Variants in PML observed in about 807,000 individuals in gnomAD.
PML encodes PML nuclear body scaffold.
Under a neutral mutation model 65.2 loss-of-function variants are expected in PML, and 28 were observed. That is an observed-to-expected ratio of 0.43 (90% CI 0.32 to 0.59). The LOEUF (loss-of-function observed/expected upper bound fraction) is 0.59. Among genes scored for constraint, PML ranks in the 20% least tolerant of loss-of-function variants. The probability of loss-of-function intolerance (pLI) is 0.08; values close to 1 mark genes in which losing one functional copy is unlikely to be tolerated. For synonymous variants in PML, 500 were observed against 508.8 expected (o/e 0.98, Z 0.23); for missense variants, 1,021 against 1,203.4 (o/e 0.85, Z 2.24).
chr15:74,036,775 G>A (rs1039358824), intron 7 of PML, among the ~76,000 whole-genome samples: 5 of 151,954 alleles, frequency 3.3e-5, no homozygotes, highest in African/African-American at 4.8e-5. Context: ...CCACCTGCCC[G>A]CCACTCCTTA....
chr15:74,035,137 T>C lies in PML; in HGVS notation c.1710+607T>C. 8.7e-7 allele frequency: 1 copy of C among 1,146,222 alleles called. No homozygotes were observed. The highest frequency in any genetic ancestry group is 1.3e-6 in the Non-Finnish European group (1 of 755,456). The allele number at this position is 1,146,222 out of a possible 1,614,324, so 71.0% of individuals were successfully genotyped here. A position where few individuals can be genotyped will look rare whatever the true frequency, so the allele number is the denominator to read the frequency against. ...TGGACTGGGTGGCCCCTGAGGTCTC[T>C]TCCAGCCCTCAGTCTGAGGTTCTGT... On this transcript the variant is annotated intron_variant, in intron 7 of 8. Transcript: ENST00000268058. The surrounding 1 kb of genome is among the most constrained non-coding windows in gnomAD (Gnocchi z 4.1).
rs1211676376 is a variant in PML at position 74,044,351 on chromosome 15, C to CT, written c.1995dup (p.Leu666SerfsTer30). ...AGGTGGGGCTGCAGCACTTCCTCAG[C>CT]TTTCTGAGCTCCATGCGCCGCCCTA... is the stretch of plus-strand genomic sequence containing the variant. On this transcript the variant is annotated frameshift_variant, in exon 9 of 9. Coordinates refer to ENST00000268058, the MANE Select transcript of PML (RefSeq NM_033238.3). LOFTEE classifies it low-confidence loss of function (END_TRUNC). The CT allele has an allele frequency of 6.2e-7, 1 of 1,614,198 alleles. No homozygotes were observed. The highest frequency in any genetic ancestry group is 1.7e-5 in the Admixed American group (1 of 60,034).
chr15:74,009,269 GGCCTATTAATCAAGTTTAAGAGGT>G (rs1397469818), intron 2 of PML, among the ~76,000 whole-genome samples: 1 of 152,224 alleles, frequency 6.6e-6, no homozygotes, highest in African/African-American at 2.4e-5. Flanking sequence ...GGAAACAAAA[GGCCTATTAATCAAGTTTAAGAGGT>G]GTGATTGAAG....
intron 4 of PML, among the ~76,000 whole-genome samples, chr15:74,030,034 G>T (rs2071249043): frequency 6.6e-6 from 1 of 152,158 alleles, no homozygotes; most frequent in Non-Finnish European, 1.5e-5. Context: ...CCCACCGCGG[G>T]GTTCTGGTAC....
At chr15:74,017,311 T>A (rs1378573015) in intron 2 of PML, among the ~76,000 whole-genome samples, 2 of 152,182 alleles carry the variant, frequency 1.3e-5, no homozygotes, top group African/African-American at 4.8e-5. Context: ...CCTAGCCAAT[T>A]TCTCTGATTC....
chr15:74,044,877 G>A lies in PML; in HGVS notation c.2518G>A (p.Ala840Thr). Residue 840 changes from alanine to threonine, a missense_variant, in exon 9 of 9, where the codon GCT (alanine) becomes ACT (threonine). Transcript: ENST00000268058. ...QTTTLPPAQP[A>T]FNLQALGTYF... ...CACCACGTTGCCCCCTGCCCAGCCT[G>A]CTTTCAACCTGCAGGCTCTGGGCAC... is the stretch of plus-strand genomic sequence containing the variant. 6.2e-7 allele frequency: 1 copy of A among 1,613,580 alleles called. No individual in the cohort carries two copies. Among genetic ancestry groups the A allele is most frequent in the Non-Finnish European group, 8.5e-7 (1 of 1,180,024 alleles).
intron 4 of PML, 90 bp from the exon 5 acceptor site, chr15:74,032,482 C>T (rs1023202699): frequency 7.1e-7 from 1 of 1,404,602 alleles, no homozygotes; most frequent in Admixed American, 1.7e-5. Context: ...CTTGGTGAGG[C>T]CCCAGGGATT....
intron 2 of PML, among the ~76,000 whole-genome samples, chr15:74,013,546 C>T (rs1044653624): frequency 1.3e-5 from 2 of 152,118 alleles, no homozygotes; most frequent in Non-Finnish European, 2.9e-5. Flanking sequence ...TAACAAATTC[C>T]TGCTGTGGCA....
At chr15:74,004,536 A>G (rs1041740892) in intron 2 of PML, among the ~76,000 whole-genome samples, 1 of 152,090 alleles carries the variant, frequency 6.6e-6, no homozygotes, top group Non-Finnish European at 1.5e-5. Flanking sequence ...CCTGGCTTCA[A>G]GTGATCCTCC....
chr15:74,033,459 G>A, intron 6 of PML, 45 bp downstream of exon 6: 1 of 1,606,338 alleles, frequency 6.2e-7, no homozygotes, highest in East Asian at 2.2e-5. Context: ...GCCCGCCAGG[G>A]TCTGGGCGGT....
intron 4 of PML, among the ~76,000 whole-genome samples, chr15:74,030,865 A>C (rs1396258796): frequency 6.6e-6 from 1 of 152,078 alleles, no homozygotes; most frequent in Admixed American, 6.5e-5. Context: ...TAACTCTTGA[A>C]GTGTGCAATT....
Position 74,035,760 on chromosome 15 carries a change from G to T in PML, c.1710+1230G>T, listed in dbSNP as rs760456533. 6 of 1,614,148 alleles carry T rather than the reference G, an allele frequency of 3.7e-6. 1 individual carries two copies. In the Admixed American group the frequency reaches 5.0e-5, roughly 13 times the overall value. On this transcript the variant is annotated intron_variant, in intron 7 of 8. Coordinates refer to ENST00000268058, the MANE Select transcript of PML (RefSeq NM_033238.3). This position sits in a 1 kb window ranked among gnomAD's most constrained non-coding sequence, Gnocchi z 4.1. ...TTCCCAGCTTGACATGTCTTCCGTGGTGGGGGCAGGGGAAAGCAGAGCCCA... is the reference window on the plus strand; with the variant it reads ...TTCCCAGCTTGACATGTCTTCCGTGTTGGGGGCAGGGGAAAGCAGAGCCCA...
At position 73,994,794 on chromosome 15, in the gene PML, C is replaced by G. The variant is rs1567112826; in HGVS notation, c.-19C>G. 1 of 1,551,516 alleles carries G rather than the reference C, an allele frequency of 6.4e-7. No individual in the cohort carries two copies. Among genetic ancestry groups the G allele is most frequent in the Admixed American group, 2.0e-5 (1 of 51,094 alleles). ...GCACTCCAAGATCTAAACCGAGAATCGAAACTAAGCTGGGGTCCATGGAGC... is the reference window on the plus strand; with the variant it reads ...GCACTCCAAGATCTAAACCGAGAATGGAAACTAAGCTGGGGTCCATGGAGC... On this transcript the variant is annotated 5_prime_UTR_variant, in exon 1 of 9. The change creates a new upstream start codon in the 5' untranslated region. Coordinates refer to ENST00000268058, the MANE Select transcript of PML (RefSeq NM_033238.3).
intron 2 of PML, among the ~76,000 whole-genome samples, chr15:74,009,001 C>T (rs541255124): frequency 6.6e-6 from 1 of 152,158 alleles, no homozygotes; most frequent in Non-Finnish European, 1.5e-5. Flanking sequence ...CTCATGAGTA[C>T]ACTAGGTCTT....
intron 2 of PML, among the ~76,000 whole-genome samples, chr15:73,998,680 C>T (rs956299079): frequency 1.3e-5 from 2 of 152,216 alleles, no homozygotes; most frequent in Non-Finnish European, 2.9e-5. Context: ...AGTAAGTTTC[C>T]AGTTTCCTCC....
In PML at chr15:74,033,504, C is replaced by T. The variant is rs541664773; in HGVS notation, c.1657+90C>T. On this transcript the variant is annotated intron_variant, in intron 6 of 8. Transcript: ENST00000268058. Reference sequence around the variant, plus strand: ...CTGTATTTTGGCCCCATCCAGAAAGCCCAAAGCCAACAGGAGTCCCTTATT... The same window carrying T: ...CTGTATTTTGGCCCCATCCAGAAAGTCCAAAGCCAACAGGAGTCCCTTATT... The T allele has an allele frequency of 2.8e-6, 4 of 1,445,070 alleles. No individual in the cohort carries two copies. In the African/African-American group the frequency reaches 5.6e-5, roughly 20 times the overall value. The allele number at this position is 1,445,070 out of a possible 1,614,324, so 89.5% of individuals were successfully genotyped here. A position where few individuals can be genotyped will look rare whatever the true frequency, so the allele number is the denominator to read the frequency against.
chr15:74,033,517 G>A (rs771096179), intron 6 of PML, 103 bp downstream of exon 6: 1 of 1,258,366 alleles, frequency 7.9e-7, no homozygotes, highest in Non-Finnish European at 1.1e-6. Context: ...AAAGCCAACA[G>A]GAGTCCCTTA....
intron 2 of PML, among the ~76,000 whole-genome samples, chr15:74,000,971 CTTT>C (rs1405833600): frequency 6.6e-6 from 1 of 152,052 alleles, no homozygotes; most frequent in East Asian, 1.9e-4. Flanking sequence ...GAACTGGTGC[CTTT>C]TTTATAGTAG....
intron 7 of PML, among the ~76,000 whole-genome samples, chr15:74,038,600 G>C (rs1411657528): frequency 6.6e-6 from 1 of 152,048 alleles, no homozygotes; most frequent in African/African-American, 2.4e-5. Flanking sequence ...GCCCTTTCCA[G>C]ACCCCTGGTG....
Sources: allele counts gnomAD v4.1 joint callset (sites outside exome capture counted in the v4.1 genomes callset), GRCh38; gene constraint gnomAD v4.1.1; non-coding constraint Gnocchi (gnomAD v3.1); transcripts MANE v1.5; gene names NCBI Gene and HGNC (gene_info 2026-07-23, HGNC 2026-07-21).